Variants in LPAR6 observed in about 807,000 individuals in gnomAD.
The protein encoded by LPAR6 is lysophosphatidic acid receptor 6, also known as G-protein coupled purinergic receptor P2Y5.
Under a neutral mutation model 22.0 loss-of-function variants are expected in LPAR6, and 17 were observed. The observed-to-expected ratio is 0.77, with a 90% CI of 0.53 to 1.16. The LOEUF (loss-of-function observed/expected upper bound fraction) is 1.16. Among genes scored for constraint, LPAR6 ranks in the 50% most tolerant of loss-of-function variants. The pLI is 0.00. For missense variants in LPAR6, 384 were observed against 406.9 expected (o/e 0.94, Z 0.48); for synonymous variants, 136 against 139.8 (o/e 0.97, Z 0.19).
chr13:48,425,314 A>C (rs1198032780), intron 1 of LPAR6, among the ~76,000 whole-genome samples: 1 of 152,234 alleles, frequency 6.6e-6, no homozygotes. Flanking sequence ...ACAGAAAACT[A>C]TTTGAGTGAC....
chr13:48,417,320 C>A (rs1045852821), upstream of LPAR6: 10 of 152,570 alleles, frequency 6.6e-5, no homozygotes, highest in African/African-American at 2.4e-4. Context: ...TTCCAGCAGA[C>A]CTGCAGCAGA....
intron 1 of LPAR6, among the ~76,000 whole-genome samples, chr13:48,395,250 A>G (rs1256771977): frequency 6.6e-6 from 1 of 152,200 alleles, no homozygotes; most frequent in African/African-American, 2.4e-5. Context: ...AAGGTCATCA[A>G]CATCAAAGAC....
chr13:48,423,636 C>T (rs536178309), intron 1 of LPAR6, among the ~76,000 whole-genome samples: 2 of 151,732 alleles, frequency 1.3e-5, no homozygotes, highest in African/African-American at 2.4e-5. Context: ...TTTCGAAGGC[C>T]ATAATTGAAA....
At chr13:48,419,255 T>C (rs556740442) in intron 2 of LPAR6, among the ~76,000 whole-genome samples, 1 of 152,314 alleles carries the variant, frequency 6.6e-6, no homozygotes, top group East Asian at 1.9e-4. Flanking sequence ...CACAACTGCA[T>C]GGAAACTGAA....
intron 2 of LPAR6, among the ~76,000 whole-genome samples, chr13:48,419,742 A>C (rs1243530127): frequency 1.3e-5 from 2 of 152,250 alleles, no homozygotes; most frequent in Non-Finnish European, 2.9e-5. Flanking sequence ...AACTACCATC[A>C]GAGAATACTG....
At chr13:48,421,552 A>G (rs1949004905) in intron 2 of LPAR6, among the ~76,000 whole-genome samples, 2 of 152,238 alleles carry the variant, frequency 1.3e-5, no homozygotes, top group African/African-American at 2.4e-5. Context: ...CTGCACAGCA[A>G]AAGAAACTAT....
downstream of LPAR6, among the ~76,000 whole-genome samples, chr13:48,409,152 T>C (rs529265933): frequency 3.5e-3 from 511 of 146,022 alleles, 6 homozygotes; most frequent in African/African-American, 0.012. Flanking sequence ...TCTTTTCTCT[T>C]TTTTTTTTTT....
At chr13:48,417,446 G>A (rs1948931494), upstream of LPAR6, 1 of 152,192 alleles carries the variant, frequency 6.6e-6, no homozygotes, top group Non-Finnish European at 1.5e-5. Flanking sequence ...AAGACCAAAG[G>A]TAGATAAATC....
upstream of LPAR6, among the ~76,000 whole-genome samples, chr13:48,427,186 C>A (rs542786807): frequency 5.0e-5 from 7 of 139,662 alleles, no homozygotes; most frequent in East Asian, 1.6e-3. Flanking sequence ...CCAAACCTCA[C>A]CTCCAGCATT....
downstream of LPAR6, among the ~76,000 whole-genome samples, chr13:48,407,335 G>A (rs1948749395): frequency 6.6e-6 from 1 of 152,124 alleles, no homozygotes. Flanking sequence ...AGAGGTTATT[G>A]TAGTAAATCT....
At chr13:48,425,908 G>C (rs1030910655) in intron 1 of LPAR6, among the ~76,000 whole-genome samples, 1 of 152,166 alleles carries the variant, frequency 6.6e-6, no homozygotes, top group African/African-American at 2.4e-5. Flanking sequence ...GTTGTGACTT[G>C]CTTAGGATTA....
At position 48,439,089 on chromosome 13, in the gene LPAR6, G is replaced by T. The variant is rs1006325772; in HGVS notation, c.-1474+5464C>A. The stretch of plus-strand genomic sequence containing the variant: ...AGAGTGAAAGAGGCAGTAAGCAAAG[G>T]AACGTGACTCCCATACTAGTATAGC... On this transcript the variant is annotated intron_variant, in intron 1 of 6. Transcript: ENST00000378434. Among the ~76,000 whole-genome samples, 22 of 152,104 alleles carry T rather than the reference G, an allele frequency of 1.4e-4. 1 individual carries two copies. The highest frequency in any genetic ancestry group is 1.4e-3 in the Admixed American group (22 of 15,264).
At chr13:48,394,836 A>C (rs1433940948) in intron 1 of LPAR6, among the ~76,000 whole-genome samples, 2 of 152,206 alleles carry the variant, frequency 1.3e-5, no homozygotes, top group African/African-American at 4.8e-5. Flanking sequence ...AGACTTAAAC[A>C]TTCCTGCCTG....
At chr13:48,419,739 A>G (rs967739671) in intron 2 of LPAR6, among the ~76,000 whole-genome samples, 1 of 152,256 alleles carries the variant, frequency 6.6e-6, no homozygotes, top group African/African-American at 2.4e-5. Context: ...ACAAACTACC[A>G]TCAGAGAATA....
upstream of LPAR6, among the ~76,000 whole-genome samples, chr13:48,429,785 T>C (rs541127472): frequency 1.2e-4 from 18 of 152,224 alleles, no homozygotes; most frequent in African/African-American, 4.3e-4. Flanking sequence ...AACTGGAAAA[T>C]GTAATGAAAA....
chr13:48,425,990 A>G (rs1405395851), intron 1 of LPAR6, among the ~76,000 whole-genome samples: 1 of 152,206 alleles, frequency 6.6e-6, no homozygotes, highest in Non-Finnish European at 1.5e-5. Context: ...TACCCAACCC[A>G]GTTCCTTATA....
chr13:48,425,848 C>G (rs1047641368), intron 1 of LPAR6, among the ~76,000 whole-genome samples: 6 of 152,140 alleles, frequency 3.9e-5, no homozygotes, highest in Admixed American at 1.3e-4. Flanking sequence ...CAAGAAAGAA[C>G]ATATATTATT....
In LPAR6 at chr13:48,411,313, A is replaced by G; in HGVS notation, c.*76T>C. On this transcript the variant is annotated 3_prime_UTR_variant, in exon 1 of 1. Coordinates refer to ENST00000620633, the MANE Select transcript of LPAR6 (RefSeq NM_001162498.3). ...TAATTTCTTTTGGAGGTGGAAAAAT[A>G]GTTTGTCCAAAAAGACACTTTTCAC... The G allele has an allele frequency of 8.4e-7, 1 of 1,187,912 alleles. No individual in the cohort carries two copies. The highest frequency in any genetic ancestry group is 1.7e-5 in the Admixed American group (1 of 58,194). 73.6% of individuals were successfully genotyped at this position (1,187,912 alleles called of 1,614,324 possible). A position where few individuals can be genotyped will look rare whatever the true frequency, so the allele number is the denominator to read the frequency against.
intron 1 of LPAR6, among the ~76,000 whole-genome samples, chr13:48,396,408 A>G (rs916371477): frequency 6.6e-6 from 1 of 152,234 alleles, no homozygotes; most frequent in Admixed American, 6.5e-5. Context: ...AGGATTCCCT[A>G]TTTAATAAAT....
Sources: allele counts gnomAD v4.1 joint callset (sites outside exome capture counted in the v4.1 genomes callset), GRCh38; gene constraint gnomAD v4.1.1; transcripts MANE v1.5; gene names NCBI Gene and HGNC (gene_info 2026-07-23, HGNC 2026-07-21).